MEGF6: variants seen among roughly 807,000 people sequenced by gnomAD.
MEGF6 encodes multiple EGF like domains 6, also known as multiple epidermal growth factor-like domains protein 6.
MEGF6 carries 184 observed loss-of-function variants against 207.1 expected under a neutral mutation model. That is an observed-to-expected ratio of 0.89 (90% CI 0.79 to 1.00). The LOEUF is 1.00. MEGF6 is among the 50% of genes least tolerant of loss of function. MEGF6 has a pLI of 0.00. For synonymous variants in MEGF6, 1,038 were observed against 910.0 expected (o/e 1.14, Z -2.53); for missense variants, 2,282 against 2,202.9 (o/e 1.04, Z -0.72).
chr1:3,497,281 C>T lies in MEGF6; in HGVS notation c.3433G>A (p.Gly1145Arg). Residue 1145 changes from glycine (G) to arginine (R), a missense_variant, in exon 27 of 37, where the codon GGG (glycine) becomes AGG (arginine). Gly to Arg is a moderately radical substitution (Grantham distance 125). Coordinates refer to ENST00000356575, the MANE Select transcript of MEGF6 (RefSeq NM_001409.4). The part of the protein sequence containing the change: ...PPGAACHHVT[G>R]ACRCPPGFTG... ...AAGCCAGGGGGACAGCGGCAGGCCC[C>T]AGTGACGTGGTGGCAGGCAGCGCCA... The T allele has an allele frequency of 6.4e-7, 1 of 1,551,380 alleles. No individual in the cohort carries two copies.
rs777421863 is a variant in MEGF6, at chr1:3,508,592, G to A, written c.1626C>T (p.Cys542=). 4 of 1,613,458 alleles carry A rather than the reference G, an allele frequency of 2.5e-6. No homozygotes were observed. The South Asian group carries it at 3.3e-5, about 13-fold the overall frequency. ...TCLLGLDGCD[C]PEGWTGLICN... is the part of the protein sequence containing the mutation. Reference sequence around the variant, plus strand: ...AGATGAGCCCAGTCCAGCCCTCGGGGCAATCACAGCCATCCAGGCCCAGGA... The same window carrying A: ...AGATGAGCCCAGTCCAGCCCTCGGGACAATCACAGCCATCCAGGCCCAGGA... Residue 542 remains cysteine, a synonymous_variant, in exon 13 of 37, where the codon TGC becomes TGT. Coordinates refer to ENST00000356575, the MANE Select transcript of MEGF6 (RefSeq NM_001409.4).
At chr1:3,620,627 C>T in the MEGF6 span, among the ~76,000 whole-genome samples, 15 of 152,336 alleles carry the variant, frequency 9.8e-5, no homozygotes, top group East Asian at 2.9e-3. Context: ...CCTCCACACA[C>T]GGAGTCCCCA....
chr1:3,550,831 C>T (rs1021841897), intron 4 of MEGF6, among the ~76,000 whole-genome samples: 2 of 152,364 alleles, frequency 1.3e-5, no homozygotes, highest in Non-Finnish European at 2.9e-5. Flanking sequence ...ACACCCCCAC[C>T]GCCCGTGCAC....
At chr1:3,508,447 T>A (rs1641200107) in intron 13 of MEGF6, 111 bp downstream of exon 13, 4 of 1,326,110 alleles carry the variant, frequency 3.0e-6, no homozygotes, top group Non-Finnish European at 4.2e-6. Flanking sequence ...CAGAGCCCCC[T>A]GCCCAGGGCC....
chr1:3,569,991 G>A (rs1557783724), intron 4 of MEGF6, among the ~76,000 whole-genome samples: 1 of 152,210 alleles, frequency 6.6e-6, no homozygotes. Context: ...TGGCAGGGAA[G>A]GGGGAGAACA....
intron 4 of MEGF6, among the ~76,000 whole-genome samples, chr1:3,538,326 G>T (rs1003259950): frequency 3.3e-5 from 5 of 152,212 alleles, no homozygotes; most frequent in African/African-American, 9.7e-5. Context: ...GGAGCAGGGG[G>T]GGCCCCCACC....
At chr1:3,527,547 C>G (rs567537386) in intron 4 of MEGF6, among the ~76,000 whole-genome samples, 1 of 152,228 alleles carries the variant, frequency 6.6e-6, no homozygotes, top group Non-Finnish European at 1.5e-5. Context: ...ACCATGAAGT[C>G]GCCACCACAA....
intron 2 of MEGF6, among the ~76,000 whole-genome samples, chr1:3,595,667 C>T (rs770393317): frequency 1.3e-5 from 2 of 152,184 alleles, no homozygotes; most frequent in Admixed American, 6.5e-5. Context: ...CTGGAGCCAG[C>T]GACAGTGGCC....
intron 3 of MEGF6, among the ~76,000 whole-genome samples, chr1:3,593,493 G>A (rs1292968917): frequency 1.8e-5 from 2 of 111,412 alleles, no homozygotes; most frequent in South Asian, 6.0e-4. Context: ...CCATTCATGC[G>A]GCTGTGCCTT....
At chr1:3,597,223 C>A (rs1239365099) in intron 2 of MEGF6, among the ~76,000 whole-genome samples, 1 of 152,238 alleles carries the variant, frequency 6.6e-6, no homozygotes, top group Non-Finnish European at 1.5e-5. Flanking sequence ...GGAAGGTTCG[C>A]TGCCTCTCGA....
chr1:3,542,710 CAGAG>C (rs1642570631), intron 4 of MEGF6, among the ~76,000 whole-genome samples: 1 of 152,122 alleles, frequency 6.6e-6, no homozygotes, highest in South Asian at 2.1e-4. Context: ...CCGCATCTTA[CAGAG>C]AGAGACTGGA....
At chr1:3,559,957 G>A (rs1427395201) in intron 4 of MEGF6, among the ~76,000 whole-genome samples, 2 of 146,676 alleles carry the variant, frequency 1.4e-5, no homozygotes, top group East Asian at 2.0e-4. Context: ...GTTGCAGTGA[G>A]CCGAGATCAC....
chr1:3,533,856 C>T (rs1642248346), intron 4 of MEGF6, among the ~76,000 whole-genome samples: 1 of 152,212 alleles, frequency 6.6e-6, no homozygotes. Context: ...TCAAGAGGCC[C>T]TTCCTTGAAG....
intron 4 of MEGF6, among the ~76,000 whole-genome samples, chr1:3,554,021 G>A (rs114551135): frequency 0.012 from 1,820 of 152,288 alleles, 18 homozygotes; most frequent in Non-Finnish European, 0.02. Flanking sequence ...AGGGACAAGC[G>A]GGGGGCCCTG....
Position 3,565,580 on chromosome 1 carries a change from G to A in MEGF6, c.481+14245C>T, listed in dbSNP as rs1333157764. On this transcript the variant is annotated intron_variant, in intron 4 of 36. Coordinates refer to ENST00000356575, the MANE Select transcript of MEGF6 (RefSeq NM_001409.4). The surrounding 1 kb of genome is among the most constrained non-coding windows in gnomAD (Gnocchi z 4.8). The stretch of plus-strand genomic sequence containing the variant: ...GGGGCTGCCTGGCCTGGCCCTGGAC[G>A]GTCCCCATGGTAGGACCTGGGGCAC... Among the ~76,000 whole-genome samples, 3 of 152,152 alleles carry A rather than the reference G, an allele frequency of 2.0e-5. No homozygotes were observed. Among genetic ancestry groups the A allele is most frequent in the Non-Finnish European group, 2.9e-5 (2 of 68,002 alleles).
rs376668795 is a variant in MEGF6 at position 3,574,787 on chromosome 1, C to T, written c.481+5038G>A. ...CCTCCTGGGTAGCTGGAATTAGAGG[C>T]GCCCGCCACCACACCTGGCTAATTT... On this transcript the variant is annotated intron_variant, in intron 4 of 36. Coordinates refer to ENST00000356575, the MANE Select transcript of MEGF6 (RefSeq NM_001409.4). 4.6e-3 allele frequency among the ~76,000 whole-genome samples: 694 copies of T among 152,258 alleles called. 8 individuals are homozygous for T. Among genetic ancestry groups the T allele is most frequent in the African/African-American group, 0.015 (642 of 41,548 alleles).
At chr1:3,505,396 C>CCCG (rs1553192347) in intron 16 of MEGF6, 26 bp downstream of exon 16, 1 of 1,600,176 alleles carries the variant, frequency 6.2e-7, no homozygotes, top group African/African-American at 1.3e-5. Context: ...GCGCCCCCCG[C>CCCG]CCCCAGACCC....
intron 7 of MEGF6, 119 bp downstream of exon 7, chr1:3,514,431 G>A: frequency 7.5e-7 from 1 of 1,329,340 alleles, no homozygotes. Flanking sequence ...AAGGGGGCAA[G>A]GCCAAAGGGC....
At chr1:3,602,762 C>A (rs897057415) in intron 1 of MEGF6, among the ~76,000 whole-genome samples, 162 bp from the exon 2 acceptor site, 1 of 152,200 alleles carries the variant, frequency 6.6e-6, no homozygotes, top group Non-Finnish European at 1.5e-5. Flanking sequence ...CCAGGCCAGC[C>A]GTGGGACCCA....
Sources: gnomAD v4.1 joint callset for allele counts (sites outside exome capture counted in the v4.1 genomes callset) on GRCh38, gnomAD v4.1.1 for gene constraint, Gnocchi (gnomAD v3.1) non-coding constraint, MANE v1.5 for transcripts, NCBI Gene and HGNC (gene_info 2026-07-23, HGNC 2026-07-21) for gene names.